The following GRM5 variants were observed in gnomAD, a reference collection of about 807,000 sequenced individuals.
GRM5 encodes the protein glutamate metabotropic receptor 5.
A neutral mutation model predicts 83.1 loss-of-function variants in GRM5; 19 were observed. That is an observed-to-expected ratio of 0.23 (90% CI 0.16 to 0.34). The LOEUF (loss-of-function observed/expected upper bound fraction) is 0.34, where lower values mean the gene tolerates loss of function less well. GRM5 is among the 10% of genes least tolerant of loss of function. The pLI is 1.00. For synonymous variants in GRM5, 675 were observed against 633.6 expected (o/e 1.07, Z -0.98); for missense variants, 1,160 against 1,588.3 (o/e 0.73, Z 4.58).
At chr11:88,985,540 C>A (rs1324786476) in intron 2 of GRM5, among the ~76,000 whole-genome samples, 1 of 150,920 alleles carries the variant, frequency 6.6e-6, no homozygotes, top group African/African-American at 2.5e-5. Flanking sequence ...ATAAACAACA[C>A]TTTCTGACAT....
chr11:88,820,534 GA>G (rs1943771839), intron 3 of GRM5, among the ~76,000 whole-genome samples: 1 of 152,154 alleles, frequency 6.6e-6, no homozygotes, highest in South Asian at 2.1e-4. Flanking sequence ...TTTATAATTT[GA>G]AAAACTATGA....
intron 3 of GRM5, among the ~76,000 whole-genome samples, chr11:88,785,637 G>A (rs1386805053): frequency 6.6e-6 from 1 of 152,040 alleles, no homozygotes; most frequent in East Asian, 1.9e-4. Flanking sequence ...TGCAGTCAAA[G>A]CATTCAGTTC....
In GRM5 at chr11:88,767,978, C is replaced by T. The variant is rs372912741; in HGVS notation, c.911+81928G>A. On this transcript the variant is annotated intron_variant, in intron 3 of 9. Transcript: ENST00000305447. ...AAGAATGTAGGGAAATTGGAACCCT[C>T]GTATGCTGTTTATAGAAGTATAAAA... 4.6e-5 allele frequency among the ~76,000 whole-genome samples: 7 copies of T among 151,878 alleles called. No individual in the cohort carries two copies. In the East Asian group the frequency reaches 5.8e-4, roughly 13 times the overall value.
At chr11:88,963,751 C>T (rs555655355) in intron 2 of GRM5, among the ~76,000 whole-genome samples, 14 of 152,124 alleles carry the variant, frequency 9.2e-5, no homozygotes, top group Admixed American at 4.6e-4. Context: ...TTTCACGAAA[C>T]GAATATAAAA....
chr11:88,615,209 A>G (rs1197232300), intron 4 of GRM5, among the ~76,000 whole-genome samples: 2 of 152,132 alleles, frequency 1.3e-5, no homozygotes. Flanking sequence ...CCTGGTGACT[A>G]TTTTTCCTAA....
chr11:88,785,647 C>A (rs1162868934), intron 3 of GRM5, among the ~76,000 whole-genome samples: 2 of 152,034 alleles, frequency 1.3e-5, no homozygotes, highest in Non-Finnish European at 2.9e-5. Context: ...GCATTCAGTT[C>A]TTTGGCCTAG....
chr11:88,680,425 T>A (rs994859683), intron 3 of GRM5, among the ~76,000 whole-genome samples: 7 of 152,236 alleles, frequency 4.6e-5, no homozygotes, highest in African/African-American at 1.7e-4. Context: ...CATCATTTTT[T>A]ATGGCTGCAT....
At chr11:88,592,866 T>G (rs1937674616) in intron 6 of GRM5, among the ~76,000 whole-genome samples, 1 of 152,282 alleles carries the variant, frequency 6.6e-6, no homozygotes, top group East Asian at 1.9e-4. Flanking sequence ...AGGCTGGGAG[T>G]GCAGTGGCGC....
intron 2 of GRM5, among the ~76,000 whole-genome samples, chr11:88,890,083 C>G (rs979683905): frequency 6.7e-6 from 1 of 149,898 alleles, no homozygotes; most frequent in African/African-American, 2.5e-5. Flanking sequence ...ATCAGAGAAG[C>G]ATGCTCTTGG....
At chr11:88,967,211 G>A (rs1939003295) in intron 2 of GRM5, among the ~76,000 whole-genome samples, 1 of 127,608 alleles carries the variant, frequency 7.8e-6, no homozygotes, top group Non-Finnish European at 1.7e-5. Flanking sequence ...GTGTGTGTGT[G>A]TGTATATATG....
chr11:88,762,993 G>A (rs889451736), intron 3 of GRM5, among the ~76,000 whole-genome samples: 6 of 151,934 alleles, frequency 3.9e-5, no homozygotes, highest in African/African-American at 1.4e-4. Context: ...ACACATAGAG[G>A]AGAATAACAG....
In GRM5 at chr11:89,052,314, A is replaced by G. The variant is rs150193245; in HGVS notation, c.-200-4242T>C. Among the ~76,000 whole-genome samples, 668 of 152,294 alleles carry G rather than the reference A, an allele frequency of 4.4e-3. 7 individuals carry two copies. Among genetic ancestry groups the G allele is most frequent in the African/African-American group, 0.015 (621 of 41,566 alleles). ...GGAAGTATAAATATTGCAAAGGTAC[A>G]GCTAAAAAATAAGCTCTGCTGAGGG... On this transcript the variant is annotated intron_variant, in intron 1 of 9. Transcript: ENST00000305447.
rs187531048 is a variant in GRM5 at position 88,857,434 on chromosome 11, T to C, written c.662-7279A>G. Among the ~76,000 whole-genome samples, 143 of 152,224 alleles carry C rather than the reference T, an allele frequency of 9.4e-4. 2 individuals carry two copies. The highest frequency in any genetic ancestry group is 5.6e-3 in the East Asian group (29 of 5,180). ...TAAGCAGTGTCCAGTCTCCACTTCG[T>C]GTCCTTTAATGTGAATTAGAAGTGT... On this transcript the variant is annotated intron_variant, in intron 2 of 9. Coordinates refer to ENST00000305447, the MANE Select transcript of GRM5 (RefSeq NM_001143831.3).
intron 2 of GRM5, among the ~76,000 whole-genome samples, chr11:88,991,220 C>T (rs1474511857): frequency 2.0e-5 from 3 of 152,096 alleles, no homozygotes; most frequent in African/African-American, 7.2e-5. Flanking sequence ...ACACCAACAA[C>T]AGACAAACAG....
intron 2 of GRM5, among the ~76,000 whole-genome samples, chr11:88,881,126 T>A (rs1485410827): frequency 1.3e-5 from 2 of 152,108 alleles, no homozygotes; most frequent in African/African-American, 4.8e-5. Context: ...GACATGTATT[T>A]TTCAGTGTAA....
At chr11:88,568,074 T>A (rs1328098118) in intron 7 of GRM5, 82 bp from the exon 8 acceptor site, 1 of 813,562 alleles carries the variant, frequency 1.2e-6, no homozygotes, top group Non-Finnish European at 1.9e-6. Context: ...AGCAGCTGTT[T>A]ATGACCATTT....
intron 2 of GRM5, among the ~76,000 whole-genome samples, chr11:89,014,279 A>C (rs965837831): frequency 6.6e-6 from 1 of 152,324 alleles, no homozygotes; most frequent in African/African-American, 2.4e-5. Context: ...AATTGTAGAG[A>C]TCATAGAGAT....
chr11:88,714,105 A>G (rs1293846804), intron 3 of GRM5, among the ~76,000 whole-genome samples: 1 of 152,068 alleles, frequency 6.6e-6, no homozygotes, highest in Non-Finnish European at 1.5e-5. Flanking sequence ...CTAATTTGAT[A>G]TATACTTTAG....
rs185338527 is a variant in GRM5, at chr11:88,594,672, T to C, written c.1563+2512A>G. ...TCTTCATTTACCTTATCTTTCTTCT[T>C]TCTGGTCTTATGCTTTCCAAATCTT... On this transcript the variant is annotated intron_variant, in intron 6 of 9. Coordinates refer to ENST00000305447, the MANE Select transcript of GRM5 (RefSeq NM_001143831.3). 2.6e-4 allele frequency among the ~76,000 whole-genome samples: 39 copies of C among 152,324 alleles called. No individual in the cohort carries two copies. In the East Asian group the frequency reaches 6.0e-3, roughly 23 times the overall value.
Sources: allele counts gnomAD v4.1 joint callset (sites outside exome capture counted in the v4.1 genomes callset), GRCh38; gene constraint gnomAD v4.1.1; transcripts MANE v1.5; gene names NCBI Gene and HGNC (gene_info 2026-07-23, HGNC 2026-07-21).